The following VTI1A variants were observed in gnomAD, a reference collection of about 807,000 sequenced individuals.
The protein encoded by VTI1A is vesicle transport through interaction with t-SNAREs homolog 1A.
Under a neutral mutation model 34.9 loss-of-function variants are expected in VTI1A, and 22 were observed. The ratio of observed to expected loss-of-function variants is 0.63; its 90% CI spans 0.45 to 0.90. The LOEUF is 0.90. Ranked by LOEUF, VTI1A falls within the 40% of genes least tolerant of loss-of-function variation. The pLI is 0.00. For synonymous variants in VTI1A, 87 were observed against 97.3 expected (o/e 0.89, Z 0.62); for missense variants, 268 against 275.6 (o/e 0.97, Z 0.20).
rs138766056 is a variant in VTI1A at position 112,750,557 on chromosome 10, G to A, written c.561-64733G>A. 7.9e-5 allele frequency among the ~76,000 whole-genome samples: 12 copies of A among 152,224 alleles called. No homozygotes were observed. In the East Asian group the frequency reaches 2.3e-3, roughly 29 times the overall value. ...TGTCTTGTGCAACACTCTAATGGCA[G>A]AAAGGGCTTTAGAGTTTCAACTTAA... On this transcript the variant is annotated intron_variant, in intron 7 of 7. Transcript: ENST00000393077.
chr10:112,777,021 A>C (rs1851973019), intron 7 of VTI1A, among the ~76,000 whole-genome samples: 1 of 152,186 alleles, frequency 6.6e-6, no homozygotes, highest in Non-Finnish European at 1.5e-5. Flanking sequence ...AGGCTTGCTT[A>C]GTAAGAGAAA....
chr10:112,716,224 G>C (rs1442283309), intron 7 of VTI1A, among the ~76,000 whole-genome samples: 1 of 152,146 alleles, frequency 6.6e-6, no homozygotes, highest in African/African-American at 2.4e-5. Flanking sequence ...GTTGAGATCA[G>C]GGAAGAGCAA....
At chr10:112,473,041 T>A (rs1395104640) in intron 3 of VTI1A, among the ~76,000 whole-genome samples, 4 of 151,536 alleles carry the variant, frequency 2.6e-5, no homozygotes, top group African/African-American at 9.7e-5. Context: ...CAATCTTCTC[T>A]CCCCTTCTCC....
At chr10:112,730,280 GA>G (rs1850201586) in intron 7 of VTI1A, among the ~76,000 whole-genome samples, 1 of 152,202 alleles carries the variant, frequency 6.6e-6, no homozygotes, top group Admixed American at 6.5e-5. Context: ...GACTTGGCTA[GA>G]ACCTGAGTTT....
At chr10:112,588,372 AC>A (rs1844245453) in intron 5 of VTI1A, among the ~76,000 whole-genome samples, 1 of 152,226 alleles carries the variant, frequency 6.6e-6, no homozygotes. Context: ...CAAGGCAGTA[AC>A]AAAAGTAGTC....
rs375987825 is a variant in VTI1A at position 112,618,768 on chromosome 10, A to C, written c.428-49450A>C. Among the ~76,000 whole-genome samples, 42 of 152,156 alleles carry C rather than the reference A, an allele frequency of 2.8e-4. No homozygotes were observed. In the East Asian group the frequency reaches 5.8e-3, roughly 21 times the overall value. ...ATTTTGGCGTCTGCCTCCATTAGGC[A>C]GATATCTAATTATTGAATATTATTA... On this transcript the variant is annotated intron_variant, in intron 5 of 7. Coordinates refer to ENST00000393077, the MANE Select transcript of VTI1A (RefSeq NM_145206.4).
At chr10:112,836,137 A>C in the VTI1A span, among the ~76,000 whole-genome samples, 1 of 152,198 alleles carries the variant, frequency 6.6e-6, no homozygotes, top group Non-Finnish European at 1.5e-5. Context: ...TGAGGTTTCC[A>C]ACAGCCGAGG....
At chr10:112,731,612 G>T (rs1850265742) in intron 7 of VTI1A, among the ~76,000 whole-genome samples, 1 of 151,236 alleles carries the variant, frequency 6.6e-6, no homozygotes, top group East Asian at 1.9e-4. Flanking sequence ...CAGCATACAT[G>T]AGAAGGCATA....
chr10:112,599,981 G>A (rs763142190), intron 5 of VTI1A, among the ~76,000 whole-genome samples: 2 of 152,124 alleles, frequency 1.3e-5, no homozygotes, highest in Non-Finnish European at 2.9e-5. Context: ...TTAGGTTATA[G>A]ATAGATACTT....
chr10:112,601,098 G>C (rs955126764), intron 5 of VTI1A, among the ~76,000 whole-genome samples: 1 of 152,158 alleles, frequency 6.6e-6, no homozygotes, highest in Non-Finnish European at 1.5e-5. Context: ...GTATCCAGTT[G>C]CTAGCATTAG....
At chr10:112,854,522 A>G in the VTI1A span, among the ~76,000 whole-genome samples, 1 of 151,988 alleles carries the variant, frequency 6.6e-6, no homozygotes, top group Non-Finnish European at 1.5e-5. Context: ...GGCCGCCCAG[A>G]GATCATGCAG....
chr10:112,830,690 A>C, the VTI1A span, among the ~76,000 whole-genome samples: 146 of 150,418 alleles, frequency 9.7e-4, no homozygotes, highest in Middle Eastern at 3.5e-3. Flanking sequence ...CCTAAAACCG[A>C]GGAGATGGAG....
intron 3 of VTI1A, among the ~76,000 whole-genome samples, chr10:112,494,568 G>A (rs1230073196): frequency 6.6e-6 from 1 of 152,008 alleles, no homozygotes; most frequent in Non-Finnish European, 1.5e-5. Context: ...GAATGCAGTG[G>A]CGCCATCTCA....
intron 7 of VTI1A, among the ~76,000 whole-genome samples, chr10:112,795,604 TTTGTA>T (rs1415162620): frequency 1.3e-5 from 2 of 151,944 alleles, no homozygotes; most frequent in East Asian, 3.9e-4. Flanking sequence ...CCAGCTAATT[TTTGTA>T]TTTTTAGTAG....
At chr10:112,796,097 G>A (rs1215006164) in intron 7 of VTI1A, among the ~76,000 whole-genome samples, 1 of 152,104 alleles carries the variant, frequency 6.6e-6, no homozygotes, top group Non-Finnish European at 1.5e-5. Context: ...CCAATATGGG[G>A]GATCTAAAAG....
chr10:112,734,763 G>A (rs906579146), intron 7 of VTI1A, among the ~76,000 whole-genome samples: 2 of 150,388 alleles, frequency 1.3e-5, no homozygotes, highest in Non-Finnish European at 3.0e-5. Flanking sequence ...AGACATTCTC[G>A]TGCCTCAGCC....
At chr10:112,625,647 A>T (rs1181871090) in intron 5 of VTI1A, among the ~76,000 whole-genome samples, 2 of 150,874 alleles carry the variant, frequency 1.3e-5, no homozygotes. Flanking sequence ...TCTCAAAAAA[A>T]AAAAAGGAAA....
chr10:112,720,311 T>G (rs976045800), intron 7 of VTI1A, among the ~76,000 whole-genome samples: 1 of 152,242 alleles, frequency 6.6e-6, no homozygotes, highest in African/African-American at 2.4e-5. Flanking sequence ...GCTGCACTGT[T>G]TCCCAGTCCC....
chr10:112,796,642 A>C (rs1013614189), intron 7 of VTI1A, among the ~76,000 whole-genome samples: 1 of 152,206 alleles, frequency 6.6e-6, no homozygotes, highest in Non-Finnish European at 1.5e-5. Context: ...GGTGTGGGCA[A>C]GTCCTTGGAA....
Sources: allele counts gnomAD v4.1 joint callset (sites outside exome capture counted in the v4.1 genomes callset), GRCh38; gene constraint gnomAD v4.1.1; transcripts MANE v1.5; gene names NCBI Gene and HGNC (gene_info 2026-07-23, HGNC 2026-07-21).